The following MCPH1 variants were observed in gnomAD, a reference collection of about 807,000 sequenced individuals.
MCPH1 encodes microcephalin 1, also known as microcephalin.
Under a neutral mutation model 84.5 loss-of-function variants are expected in MCPH1, and 104 were observed. The ratio of observed to expected loss-of-function variants is 1.23; its 90% CI spans 1.05 to 1.45. The LOEUF (loss-of-function observed/expected upper bound fraction) is 1.45. Among genes scored for constraint, MCPH1 ranks in the 40% most tolerant of loss-of-function variants. The pLI, the probability that MCPH1 is intolerant of heterozygous loss-of-function variation, is 0.00. For synonymous variants in MCPH1, 514 were observed against 366.8 expected (o/e 1.40, Z -4.58); for missense variants, 1,498 against 1,005.7 (o/e 1.49, Z -6.62).
intron 11 of MCPH1, among the ~76,000 whole-genome samples, chr8:6,483,465 G>C (rs1809476687): frequency 6.6e-6 from 1 of 152,176 alleles, no homozygotes; most frequent in African/African-American, 2.4e-5. Flanking sequence ...GGTATTGGTG[G>C]ACACACAGAA....
At chr8:6,605,945 C>T (rs907713701) in intron 12 of MCPH1, among the ~76,000 whole-genome samples, 21 of 152,176 alleles carry the variant, frequency 1.4e-4, no homozygotes, top group Admixed American at 9.2e-4. Flanking sequence ...GATCTACCCC[C>T]CTTGGCCCCC....
intron 8 of MCPH1, chr8:6,447,359 T>C (rs1350985814): frequency 1.1e-5 from 11 of 985,268 alleles, no homozygotes; most frequent in African/African-American, 1.7e-5. Flanking sequence ...TACAGCAAAC[T>C]GTACCTCCAA....
At chr8:6,592,614 CTTTTTTTTGTTTTTTTT>C (rs1828564943) in intron 12 of MCPH1, among the ~76,000 whole-genome samples, 2 of 65,546 alleles carry the variant, frequency 3.1e-5, no homozygotes, top group Non-Finnish European at 6.1e-5. Flanking sequence ...GTTTTTCTTT[CTTTTTTTTGTTTTTTTT>C]TTTTTTTTTT....
intron 13 of MCPH1, among the ~76,000 whole-genome samples, chr8:6,632,133 C>G (rs1797208702): frequency 6.6e-6 from 1 of 152,104 alleles, no homozygotes; most frequent in African/African-American, 2.4e-5. Flanking sequence ...TTAGAATAGA[C>G]AAAGTCACAG....
intron 2 of MCPH1, among the ~76,000 whole-genome samples, chr8:6,411,223 G>T (rs1019475445): frequency 6.6e-6 from 1 of 152,150 alleles, no homozygotes; most frequent in South Asian, 2.1e-4. Context: ...AACTGTACGG[G>T]TGCTGCCCCA....
intron 12 of MCPH1, among the ~76,000 whole-genome samples, chr8:6,575,889 G>T (rs922532208): frequency 1.3e-5 from 2 of 152,114 alleles, no homozygotes; most frequent in Non-Finnish European, 2.9e-5. Flanking sequence ...AGAGGCCTGG[G>T]ACAGATCCTG....
At chr8:6,425,551 A>C (rs1800927792) in intron 3 of MCPH1, among the ~76,000 whole-genome samples, 1 of 152,170 alleles carries the variant, frequency 6.6e-6, no homozygotes, top group African/African-American at 2.4e-5. Flanking sequence ...CAGGGAGAGC[A>C]TCTCTGTGCA....
intron 12 of MCPH1, among the ~76,000 whole-genome samples, chr8:6,553,355 T>C (rs1563115881): frequency 6.6e-6 from 1 of 152,234 alleles, no homozygotes; most frequent in African/African-American, 2.4e-5. Flanking sequence ...ACTTTCAGAT[T>C]GCACCAGTAA....
At chr8:6,513,911 G>C in intron 12 of MCPH1, 1 of 1,404,896 alleles carries the variant, frequency 7.1e-7, no homozygotes, top group East Asian at 2.3e-5. Context: ...GAAGTGGATA[G>C]TCCGTCAACT....
At position 6,445,067 on chromosome 8, in the gene MCPH1, A is replaced by C; in HGVS notation, c.1345A>C (p.Lys449Gln). ...PAQLSCRSLS[K>Q]KERTSIFEMS... ...TCAGTTGAGCTGCAGAAGTCTTTCT[A>C]AGAAGGAGAGAACAAGCATATTTGA... The change falls in exon 8 of 14, where the codon AAG becomes CAG. Residue 449 changes from lysine to glutamine, a missense_variant. By Grantham distance (53) the Lys-to-Gln change is moderately conservative (BLOSUM62 1). Transcript: ENST00000344683. 2 of 1,614,238 alleles carry C rather than the reference A, an allele frequency of 1.2e-6. No individual in the cohort carries two copies. Among genetic ancestry groups the C allele is most frequent in the African/African-American group, 1.3e-5 (1 of 75,066 alleles).
At chr8:6,406,918 C>G (rs1322486354) in intron 1 of MCPH1, among the ~76,000 whole-genome samples, 3 of 107,452 alleles carry the variant, frequency 2.8e-5, no homozygotes, top group Non-Finnish European at 5.8e-5. Flanking sequence ...CCCCGGCTGC[C>G]TGCTTCGTCT....
chr8:6,437,967 C>A (rs770899115), intron 5 of MCPH1, among the ~76,000 whole-genome samples: 1 of 152,144 alleles, frequency 6.6e-6, no homozygotes, highest in South Asian at 2.1e-4. Flanking sequence ...AGAAGGACAT[C>A]CCCTCCCTGG....
chr8:6,438,484 C>T (rs1445334028), intron 5 of MCPH1, among the ~76,000 whole-genome samples: 1 of 152,164 alleles, frequency 6.6e-6, no homozygotes, highest in Non-Finnish European at 1.5e-5. Context: ...CTTCATGGTT[C>T]CGGGACCATG....
chr8:6,635,588 G>T (rs1321286807), intron 13 of MCPH1, among the ~76,000 whole-genome samples: 4 of 151,988 alleles, frequency 2.6e-5, no homozygotes, highest in Admixed American at 2.6e-4. Context: ...GCGAGGCCCT[G>T]TCTCAAAAAA....
chr8:6,491,029 A>C (rs1244567960), intron 11 of MCPH1, among the ~76,000 whole-genome samples: 1 of 143,708 alleles, frequency 7.0e-6, no homozygotes, highest in Admixed American at 7.5e-5. Flanking sequence ...TAGAATATTA[A>C]AATTTAAAAT....
intron 11 of MCPH1, among the ~76,000 whole-genome samples, chr8:6,485,979 G>A (rs1045547697): frequency 6.6e-6 from 1 of 152,086 alleles, no homozygotes; most frequent in Non-Finnish European, 1.5e-5. Flanking sequence ...GTTCATCTCA[G>A]TCTTCAAGAA....
At chr8:6,541,477 G>C (rs1325845630) in intron 12 of MCPH1, among the ~76,000 whole-genome samples, 1 of 152,178 alleles carries the variant, frequency 6.6e-6, no homozygotes, top group Non-Finnish European at 1.5e-5. Flanking sequence ...GGGCAGGCCT[G>C]GAGACAGGAA....
At chr8:6,410,029 A>T (rs1348217013) in intron 2 of MCPH1, among the ~76,000 whole-genome samples, 1 of 151,718 alleles carries the variant, frequency 6.6e-6, no homozygotes, top group Non-Finnish European at 1.5e-5. Context: ...GAGTGCAGTG[A>T]CGCGATCTCA....
At chr8:6,615,324 G>GT (rs1830688284) in intron 12 of MCPH1, among the ~76,000 whole-genome samples, 1 of 152,226 alleles carries the variant, frequency 6.6e-6, no homozygotes, top group Non-Finnish European at 1.5e-5. Context: ...TGAAATGTGT[G>GT]TAACTTCTAG....
Sources: gnomAD v4.1 joint callset for allele counts (sites outside exome capture counted in the v4.1 genomes callset) on GRCh38, gnomAD v4.1.1 for gene constraint, MANE v1.5 for transcripts, NCBI Gene and HGNC (gene_info 2026-07-23, HGNC 2026-07-21) for gene names.